Variants in ATM observed in about 807,000 individuals in gnomAD.
The protein encoded by ATM is ATM serine/threonine kinase.
ATM carries 308 observed loss-of-function variants against 387.0 expected under a neutral mutation model. The ratio of observed to expected loss-of-function variants is 0.80; its 90% confidence interval spans 0.73 to 0.87. ATM has a LOEUF of 0.87. Among genes scored for constraint, ATM ranks in the 40% least tolerant of loss-of-function variants. The pLI, the probability that ATM is intolerant of heterozygous loss-of-function variation, is 0.00. For missense variants in ATM, 3,312 were observed against 3,560.9 expected (o/e 0.93, Z 1.78); for synonymous variants, 1,156 against 1,187.3 (o/e 0.97, Z 0.54).
At chr11:108,317,650 T>TATATATATAC (rs1555115154) in intron 43 of ATM, 129 bp downstream of exon 43, 1 of 130,252 alleles carries the variant, frequency 7.7e-6, no homozygotes, top group East Asian at 2.1e-4. Flanking sequence ...TATATATATA[T>TATATATATAC]ATACACACAC....
chr11:108,354,027 G>A, intron 60 of ATM, 147 bp downstream of exon 60: 1 of 580,056 alleles, frequency 1.7e-6, no homozygotes, highest in Non-Finnish European at 3.2e-6. Flanking sequence ...TCCAGCCTAG[G>A]CAATACAGCA....
chr11:108,286,772 G>A (rs767615003), intron 26 of ATM, among the ~76,000 whole-genome samples: 1 of 152,004 alleles, frequency 6.6e-6, no homozygotes, highest in Non-Finnish European at 1.5e-5. Flanking sequence ...CCTCATTTAC[G>A]TTAGGTTTCT....
At chr11:108,335,175 TC>T in intron 55 of ATM, 66 bp downstream of exon 55, 4 of 1,609,312 alleles carry the variant, frequency 2.5e-6, no homozygotes, top group Non-Finnish European at 2.5e-6. Flanking sequence ...GTTCATATTT[TC>T]TTTCTGCTTT....
At chr11:108,267,470 CCTTT>C (rs1269981125) in intron 17 of ATM, 128 bp downstream of exon 17, 3 of 754,728 alleles carry the variant, frequency 4.0e-6, no homozygotes, top group African/African-American at 1.8e-5. Context: ...TAGGATTGTT[CCTTT>C]CTTATATACT....
Position 108,317,102 on chromosome 11 carries a change from T to TA in ATM, c.6199-271_6199-270insA, listed in dbSNP as rs113573757. Among the ~76,000 whole-genome samples, 94,132 of 144,440 alleles carry TA rather than the reference T, an allele frequency of 0.65. 31,268 individuals carry two copies. Among genetic ancestry groups the TA allele is most frequent in the African/African-American group, 0.79 (31,099 of 39,340 alleles). The allele number at this position is 144,440 out of a possible 152,430, so 94.8% of individuals were successfully genotyped here. On this transcript the variant is annotated intron_variant, in intron 42 of 62. Coordinates refer to ENST00000675843, the MANE Select transcript of ATM (RefSeq NM_000051.4). ...GTACACACTACCATACCCAGCTATT[T>TA]TAAAAAAAAAAAAAAATTGTAGAGA... is the stretch of plus-strand genomic sequence containing the variant.
chr11:108,310,878 T>C (rs2084099133), intron 39 of ATM, among the ~76,000 whole-genome samples: 1 of 152,172 alleles, frequency 6.6e-6, no homozygotes, highest in Non-Finnish European at 1.5e-5. Context: ...CTAATAAATA[T>C]ACTCCTAGAT....
chr11:108,284,521 A>G lies in ATM; in HGVS notation c.3993+48A>G, dbSNP rs3218712. On this transcript the variant is annotated intron_variant, in intron 26 of 62. Transcript: ENST00000675843. Reference sequence around the variant, plus strand: ...CTTTTCATTCCCTGAATGATATGAGATATAACCTTTAAGTTTTAAGGCTAT... The same window carrying G: ...CTTTTCATTCCCTGAATGATATGAGGTATAACCTTTAAGTTTTAAGGCTAT... The G allele has an allele frequency of 1.4e-3, 2,241 of 1,604,074 alleles. 28 individuals carry two copies. The African/African-American group carries it at 0.023, about 17-fold the overall frequency.
Position 108,268,261 on chromosome 11 carries a change from C to T in ATM, c.2639-149C>T, listed in dbSNP as rs183479111. On this transcript the variant is annotated intron_variant, in intron 17 of 62. Transcript: ENST00000675843. ...AATCTTGGATAATTTTTCAAAAAGA[C>T]TTTTGAAGCTTTCAGTATATAATTA... 9 of 613,344 alleles carry T rather than the reference C, an allele frequency of 1.5e-5. No individual in the cohort carries two copies. The South Asian group carries it at 1.9e-4, about 13-fold the overall frequency. 38.0% of individuals were successfully genotyped at this position (613,344 alleles called of 1,614,324 possible). A position where few individuals can be genotyped will look rare whatever the true frequency, so the allele number is the denominator to read the frequency against.
Position 108,272,870 on chromosome 11 carries a change from C to A in ATM, c.3284+18C>A, listed in dbSNP as rs2081675718. ...ATCAATAGGTAATGGGTCAAATATT[C>A]ATGAAGTATTTGGAATGCTGCAGAT... On this transcript the variant is annotated intron_variant, in intron 22 of 62. Transcript: ENST00000675843. The A allele has an allele frequency of 1.2e-6, 2 of 1,613,804 alleles. No individual in the cohort carries two copies. The highest frequency in any genetic ancestry group is 1.7e-6 in the Non-Finnish European group (2 of 1,179,948).
In ATM at chr11:108,287,798, A is replaced by G. The variant is rs186153631; in HGVS notation, c.4109+83A>G. 10 of 955,920 alleles carry G rather than the reference A, an allele frequency of 1.0e-5. No homozygotes were observed. In the Admixed American group the frequency reaches 2.0e-4, roughly 19 times the overall value. 59.2% of individuals were successfully genotyped at this position (955,920 alleles called of 1,614,324 possible). On this transcript the variant is annotated intron_variant, in intron 27 of 62. Transcript: ENST00000675843. ...TTATTGGTTGACACCTTCAATGTCT[A>G]TTTCAATTTATAGACATCACTCTTT...
chr11:108,366,739 T>C lies in ATM; in HGVS notation c.*1231T>C, dbSNP rs2091353149. ...AAGGCAAACACACTTCCTCCTCATC[T>C]CCTTGTGCTAGTGGGCAGAATATTT... is the stretch of plus-strand genomic sequence containing the variant. On this transcript the variant is annotated 3_prime_UTR_variant, in exon 63 of 63. Transcript: ENST00000675843. 1.7e-5 allele frequency: 4 copies of C among 231,144 alleles called. No individual in the cohort carries two copies. In the East Asian group the frequency reaches 2.5e-4, roughly 14 times the overall value. 14.3% of individuals were successfully genotyped at this position (231,144 alleles called of 1,614,324 possible). A position where few individuals can be genotyped will look rare whatever the true frequency, so the allele number is the denominator to read the frequency against.
rs779004090 is a variant in ATM at position 108,254,032 on chromosome 11, C to T, written c.2117C>T (p.Ser706Leu). The T allele has an allele frequency of 1.7e-5, 28 of 1,613,312 alleles. No individual in the cohort carries two copies. Among genetic ancestry groups the T allele is most frequent in the East Asian group, 1.6e-4 (7 of 44,830 alleles). The change falls in exon 13 of 63, where the codon TCA becomes TTA. Residue 706 changes from serine to leucine, a missense_variant. By Grantham distance (145) the Ser-to-Leu change is moderately radical. Transcript: ENST00000675843. ...TCAGAACAGCTTCTGAATAATTACT[C>T]ATCTGAGGTGAGATTTTTTAAAAAA... is the stretch of plus-strand genomic sequence containing the variant. ...GLSEQLLNNY[S>L]SEITNSETLV...
intron 4 of ATM, 56 bp from the exon 5 acceptor site, chr11:108,235,614 A>C (rs748035100): frequency 1.1e-5 from 16 of 1,424,608 alleles, no homozygotes; most frequent in Non-Finnish European, 1.6e-5. Flanking sequence ...TGCCATTCCA[A>C]GTGTCTTATT....
Position 108,332,765 on chromosome 11 carries a change from C to G in ATM, c.7792C>G (p.Arg2598Gly), listed in dbSNP as rs138941496. Residue 2598 changes from arginine (R) to glycine (G), a missense_variant, in exon 53 of 63, where the codon CGA becomes GGA. Transcript: ENST00000675843. ...GTTTTTTGTTTTTTATTAATAGGAT[C>G]GAACAGAGGCTGCAAATAGAATAAT... The part of the protein sequence containing the change: ...PKQSSQLDED[R>G]TEAANRIICT... 1 of 1,612,174 alleles carries G rather than the reference C, an allele frequency of 6.2e-7. No homozygotes were observed. Among genetic ancestry groups the G allele is most frequent in the Non-Finnish European group, 8.5e-7 (1 of 1,179,544 alleles).
chr11:108,334,032 G>T, intron 54 of ATM, 64 bp downstream of exon 54: 2 of 1,301,452 alleles, frequency 1.5e-6, no homozygotes, highest in South Asian at 1.2e-5. Flanking sequence ...TGAACCATTT[G>T]AAATAGTATT....
intron 22 of ATM, among the ~76,000 whole-genome samples, chr11:108,276,179 A>T (rs1234663196): frequency 6.6e-6 from 1 of 152,094 alleles, no homozygotes; most frequent in East Asian, 1.9e-4. Flanking sequence ...ATGCTTCACG[A>T]TGTTCTCATC....
intron 56 of ATM, among the ~76,000 whole-genome samples, chr11:108,341,242 G>A (rs2087533604): frequency 6.6e-6 from 1 of 152,060 alleles, no homozygotes; most frequent in Non-Finnish European, 1.5e-5. Flanking sequence ...TGCCTGCAAT[G>A]CTTTTCCCTC....
chr11:108,293,635 C>T (rs2082937320), intron 31 of ATM, among the ~76,000 whole-genome samples, 158 bp downstream of exon 31: 2 of 151,894 alleles, frequency 1.3e-5, no homozygotes, highest in African/African-American at 4.8e-5. Context: ...CCTATAATCT[C>T]AGCACTTTGG....
intron 7 of ATM, among the ~76,000 whole-genome samples, chr11:108,245,325 G>T (rs2079792562): frequency 6.6e-6 from 1 of 152,110 alleles, no homozygotes; most frequent in Admixed American, 6.5e-5. Context: ...GATACTAAGG[G>T]GTCTGACACA....
Sources: allele counts gnomAD v4.1 joint callset (sites outside exome capture counted in the v4.1 genomes callset), GRCh38; gene constraint gnomAD v4.1.1; transcripts MANE v1.5; gene names NCBI Gene and HGNC (gene_info 2026-07-23, HGNC 2026-07-21).